Variants in AKAP13 observed in about 807,000 individuals in gnomAD.
The protein encoded by AKAP13 is A-kinase anchor protein 13.
A neutral mutation model predicts 264.5 loss-of-function variants in AKAP13; 80 were observed. The observed-to-expected ratio is 0.30, with a 90% CI of 0.25 to 0.36. The LOEUF (loss-of-function observed/expected upper bound fraction) is 0.36, where lower values mean the gene tolerates loss of function less well. Among genes scored for constraint, AKAP13 ranks in the 10% least tolerant of loss-of-function variants. The pLI, the probability that AKAP13 is intolerant of heterozygous loss-of-function variation, is 1.00. For missense variants in AKAP13, 3,712 were observed against 3,435.2 expected (o/e 1.08, Z -2.01); for synonymous variants, 1,380 against 1,250.2 (o/e 1.10, Z -2.19).
chr15:85,481,856 C>G (rs1414931953), intron 1 of AKAP13, among the ~76,000 whole-genome samples: 2 of 152,212 alleles, frequency 1.3e-5, no homozygotes, highest in African/African-American at 4.8e-5. Context: ...ATTTCACTGG[C>G]TACTGGGTGA....
chr15:85,590,621 T>A (rs1042446614), intron 8 of AKAP13, among the ~76,000 whole-genome samples: 5 of 152,362 alleles, frequency 3.3e-5, no homozygotes, highest in African/African-American at 1.2e-4. Context: ...TCTTTACTGA[T>A]ATTTCTTTAT....
chr15:85,643,687 AC>A (rs1001529298), intron 9 of AKAP13, among the ~76,000 whole-genome samples: 69 of 152,082 alleles, frequency 4.5e-4, no homozygotes, highest in African/African-American at 1.6e-3. Context: ...AGGCCACCCA[AC>A]CTATTGCTAA....
At position 85,510,467 on chromosome 15, in the gene AKAP13, T is replaced by C. The variant is rs1241381683; in HGVS notation, c.34-10961T>C. Among the ~76,000 whole-genome samples, 4 of 152,310 alleles carry C rather than the reference T, an allele frequency of 2.6e-5. No homozygotes were observed. In the East Asian group the frequency reaches 7.7e-4, roughly 29 times the overall value. On this transcript the variant is annotated intron_variant, in intron 2 of 36. Coordinates refer to ENST00000394518, the MANE Select transcript of AKAP13 (RefSeq NM_007200.5). ...TTATTGAAGTAATAATAAAAGGAAA[T>C]GTTTAAAGTAACAAAATATTTTCAG... is the stretch of plus-strand genomic sequence containing the variant.
intron 1 of AKAP13, among the ~76,000 whole-genome samples, chr15:85,450,161 C>T (rs113331376): frequency 2.0e-5 from 3 of 151,952 alleles, no homozygotes; most frequent in African/African-American, 7.2e-5. Context: ...TGTATGTGTC[C>T]AGGAATTTAT....
At chr15:85,638,481 T>G (rs2082162792) in intron 8 of AKAP13, among the ~76,000 whole-genome samples, 1 of 152,196 alleles carries the variant, frequency 6.6e-6, no homozygotes, top group African/African-American at 2.4e-5. Context: ...CTATATTGTG[T>G]TAGCTCAGAT....
At chr15:85,640,216 T>C (rs2082249362) in intron 9 of AKAP13, among the ~76,000 whole-genome samples, 1 of 152,206 alleles carries the variant, frequency 6.6e-6, no homozygotes, top group African/African-American at 2.4e-5. Context: ...GTAGTACAGA[T>C]GACATGATGA....
chr15:85,650,748 T>TC (rs1452487195), intron 10 of AKAP13, among the ~76,000 whole-genome samples: 2 of 47,848 alleles, frequency 4.2e-5, no homozygotes, highest in African/African-American at 1.2e-4. Context: ...AGAGTGAGAC[T>TC]CCATCTCAAA....
At position 85,527,112 on chromosome 15, in the gene AKAP13, G is replaced by A. The variant is rs529557803; in HGVS notation, c.181+5537G>A. ...CGAGTAGCTGGGACTACAGGCGCCC[G>A]CCACCACGCCCGGCTAAGTTTTTGT... On this transcript the variant is annotated intron_variant, in intron 3 of 36. Transcript: ENST00000394518. Among the ~76,000 whole-genome samples, 118 of 152,174 alleles carry A rather than the reference G, an allele frequency of 7.8e-4. No individual in the cohort carries two copies. The East Asian group carries it at 0.011, about 15-fold the overall frequency.
intron 8 of AKAP13, among the ~76,000 whole-genome samples, chr15:85,599,964 C>T (rs1204633353): frequency 2.0e-5 from 3 of 152,072 alleles, no homozygotes; most frequent in Non-Finnish European, 2.9e-5. Flanking sequence ...TAATACCAAC[C>T]ATCTATTAGC....
intron 5 of AKAP13, among the ~76,000 whole-genome samples, chr15:85,567,870 C>A (rs1263454347): frequency 6.6e-6 from 1 of 151,640 alleles, no homozygotes; most frequent in Non-Finnish European, 1.5e-5. Context: ...TGTCCCACAC[C>A]TAATATGGAG....
intron 1 of AKAP13, among the ~76,000 whole-genome samples, chr15:85,452,259 G>T (rs2074119468): frequency 6.7e-6 from 1 of 149,256 alleles, no homozygotes; most frequent in Non-Finnish European, 1.5e-5. Flanking sequence ...TCATCCTTCA[G>T]CTCCTGTATC....
intron 17 of AKAP13, among the ~76,000 whole-genome samples, chr15:85,706,168 G>T (rs530361695): frequency 2.0e-5 from 3 of 152,122 alleles, no homozygotes; most frequent in African/African-American, 4.8e-5. Context: ...TCAAGTCTGT[G>T]CATGGGAAGG....
chr15:85,488,036 C>T (rs754265286), intron 2 of AKAP13, among the ~76,000 whole-genome samples: 4 of 152,188 alleles, frequency 2.6e-5, no homozygotes, highest in Non-Finnish European at 5.9e-5. Flanking sequence ...TAGCTGGAAC[C>T]ACAGGCATGT....
intron 19 of AKAP13, among the ~76,000 whole-genome samples, chr15:85,711,542 A>G (rs558410650): frequency 6.6e-6 from 1 of 152,118 alleles, no homozygotes; most frequent in African/African-American, 2.4e-5. Flanking sequence ...TGAGATATGC[A>G]TGTTATTGTA....
At chr15:85,695,580 T>C (rs2085522169) in intron 17 of AKAP13, among the ~76,000 whole-genome samples, 1 of 152,216 alleles carries the variant, frequency 6.6e-6, no homozygotes, top group African/African-American at 2.4e-5. Context: ...ATGACACACA[T>C]TCATGTAAAA....
chr15:85,697,918 C>G (rs1159770666), intron 17 of AKAP13, among the ~76,000 whole-genome samples: 1 of 152,150 alleles, frequency 6.6e-6, no homozygotes, highest in Non-Finnish European at 1.5e-5. Context: ...CAACAAAGTT[C>G]ATTTGACTGA....
At chr15:85,612,894 TA>T (rs1334483706) in intron 8 of AKAP13, among the ~76,000 whole-genome samples, 2 of 152,114 alleles carry the variant, frequency 1.3e-5, no homozygotes, top group African/African-American at 2.4e-5. Context: ...CTTAATGCCT[TA>T]AAAGGGATGC....
chr15:85,726,266 G>A, intron 26 of AKAP13, 144 bp from the exon 27 acceptor site: 1 of 573,286 alleles, frequency 1.7e-6, no homozygotes, highest in South Asian at 2.5e-5. Context: ...CTGTTGCTTT[G>A]GAGGAGTGTG....
At chr15:85,678,197 T>C (rs2084361541) in intron 14 of AKAP13, among the ~76,000 whole-genome samples, 1 of 152,212 alleles carries the variant, frequency 6.6e-6, no homozygotes, top group South Asian at 2.1e-4. Context: ...AAACCACTTA[T>C]AATAGAAAGT....
Sources: allele counts gnomAD v4.1 joint callset (sites outside exome capture counted in the v4.1 genomes callset), GRCh38; gene constraint gnomAD v4.1.1; transcripts MANE v1.5; gene names NCBI Gene and HGNC (gene_info 2026-07-23, HGNC 2026-07-21).